TBC1D5: variants seen among roughly 807,000 people sequenced by gnomAD.
TBC1D5 encodes the protein TBC1 domain family, member 5.
A neutral mutation model predicts 100.3 loss-of-function variants in TBC1D5; 75 were observed. The observed-to-expected ratio is 0.75, with a 90% CI of 0.62 to 0.91. The LOEUF is 0.91. Ranked by LOEUF, TBC1D5 falls within the 40% of genes least tolerant of loss-of-function variation. The pLI is 0.00. For missense variants in TBC1D5, 910 were observed against 942.4 expected (o/e 0.97, Z 0.45); for synonymous variants, 323 against 325.6 (o/e 0.99, Z 0.09).
intron 21 of TBC1D5, among the ~76,000 whole-genome samples, chr3:17,166,352 G>T (rs1212698531): frequency 1.3e-5 from 2 of 152,176 alleles, no homozygotes; most frequent in African/African-American, 4.8e-5. Context: ...GGCAAAAAAG[G>T]TTCTAGCGAA....
chr3:17,228,464 T>C (rs2075122163), intron 17 of TBC1D5, among the ~76,000 whole-genome samples: 2 of 152,210 alleles, frequency 1.3e-5, no homozygotes. Context: ...GTACTCTGGA[T>C]TGTGGATTCA....
chr3:17,167,030 A>AT (rs530717364), intron 20 of TBC1D5, 102 bp from the exon 22 acceptor site: 46 of 1,095,144 alleles, frequency 4.2e-5, no homozygotes, highest in South Asian at 1.7e-4. Flanking sequence ...GTCATCAATC[A>AT]TTTTTTATAG....
intron 13 of TBC1D5, among the ~76,000 whole-genome samples, chr3:17,318,880 C>A (rs1255508476): frequency 6.6e-6 from 1 of 152,094 alleles, no homozygotes; most frequent in Non-Finnish European, 1.5e-5. Context: ...TTTGATGAAT[C>A]GCAATCTGCT....
chr3:17,353,732 G>A (rs2090901078), intron 13 of TBC1D5, among the ~76,000 whole-genome samples: 1 of 152,038 alleles, frequency 6.6e-6, no homozygotes, highest in African/African-American at 2.4e-5. Flanking sequence ...AATCAGTGGA[G>A]ATGTCAGAGT....
intron 3 of TBC1D5, among the ~76,000 whole-genome samples, chr3:17,456,761 G>A (rs1436885624): frequency 6.6e-6 from 1 of 152,108 alleles, no homozygotes; most frequent in Non-Finnish European, 1.5e-5. Context: ...AATACAAAAT[G>A]AGTGAGTAAA....
At chr3:17,388,169 T>C (rs1019615489) in intron 8 of TBC1D5, among the ~76,000 whole-genome samples, 2 of 152,096 alleles carry the variant, frequency 1.3e-5, no homozygotes, top group African/African-American at 4.8e-5. Context: ...CTGATCAGTA[T>C]TGATAATATA....
At chr3:17,228,548 C>T in intron 17 of TBC1D5, among the ~76,000 whole-genome samples, 1 of 152,158 alleles carries the variant, frequency 6.6e-6, no homozygotes, top group Non-Finnish European at 1.5e-5. Flanking sequence ...TGATTTCCCA[C>T]AGACTTCAAC....
At position 17,520,869 on chromosome 3, in the gene TBC1D5, A is replaced by T. The variant is rs532803638; in HGVS notation, c.-35-12264T>A. Among the ~76,000 whole-genome samples, 14 of 152,284 alleles carry T rather than the reference A, an allele frequency of 9.2e-5. No individual in the cohort carries two copies. The South Asian group carries it at 2.9e-3, about 32-fold the overall frequency. ...CAGTAGACAGACAAGGAGACACTGT[A>T]GGAGCTCCAGGATTAAAAGAGATCT... On this transcript the variant is annotated intron_variant, in intron 2 of 21. Transcript: ENST00000253692.
intron 1 of TBC1D5, among the ~76,000 whole-genome samples, chr3:17,700,558 GA>G (rs1297462883): frequency 1.3e-5 from 2 of 152,050 alleles, no homozygotes; most frequent in East Asian, 1.9e-4. Context: ...CAGAATAGGA[GA>G]AAATTTTTGC....
intron 1 of TBC1D5, among the ~76,000 whole-genome samples, chr3:17,704,091 T>C (rs1256260314): frequency 1.3e-4 from 19 of 143,982 alleles, no homozygotes; most frequent in African/African-American, 4.9e-4. Context: ...TTTGTGTCCC[T>C]GATTACTTGA....
chr3:17,555,138 T>C (rs549566029), intron 2 of TBC1D5, among the ~76,000 whole-genome samples: 2 of 152,170 alleles, frequency 1.3e-5, no homozygotes, highest in South Asian at 4.1e-4. Context: ...CATGAGCCAT[T>C]GCGCCAGGCC....
At chr3:17,369,928 T>C (rs2092373159) in intron 13 of TBC1D5, among the ~76,000 whole-genome samples, 2 of 152,176 alleles carry the variant, frequency 1.3e-5, no homozygotes, top group East Asian at 3.8e-4. Context: ...GAGATTCTAT[T>C]AAAATATAAT....
intron 3 of TBC1D5, among the ~76,000 whole-genome samples, chr3:17,473,480 TA>T (rs2150167289): frequency 6.6e-6 from 1 of 152,344 alleles, no homozygotes; most frequent in East Asian, 1.9e-4. Context: ...TTATGTATTT[TA>T]ACTGTATTTC....
At chr3:17,665,065 A>AG (rs931219086) in intron 1 of TBC1D5, 1 of 29,236 alleles carries the variant, frequency 3.4e-5, no homozygotes, top group African/African-American at 9.9e-5. Flanking sequence ...AGAAGAAAGG[A>AG]AAAAAAAACG....
chr3:17,326,342 C>T (rs972920341), intron 13 of TBC1D5, among the ~76,000 whole-genome samples: 1 of 152,238 alleles, frequency 6.6e-6, no homozygotes, highest in Non-Finnish European at 1.5e-5. Flanking sequence ...AGTTACTATT[C>T]ACAGTCCTCA....
chr3:17,344,060 G>T (rs1362382950), intron 13 of TBC1D5, among the ~76,000 whole-genome samples: 1 of 151,794 alleles, frequency 6.6e-6, no homozygotes, highest in African/African-American at 2.4e-5. Context: ...GTGATGTTAG[G>T]GTGTCAATTT....
chr3:17,569,156 GCAAA>G (rs2096611238), intron 2 of TBC1D5, among the ~76,000 whole-genome samples: 2 of 151,728 alleles, frequency 1.3e-5, no homozygotes, highest in East Asian at 1.9e-4. Context: ...CTAAAAATCT[GCAAA>G]CAGAGAATAA....
chr3:17,421,791 A>G (rs1177011698), intron 4 of TBC1D5, among the ~76,000 whole-genome samples: 1 of 152,242 alleles, frequency 6.6e-6, no homozygotes, highest in Admixed American at 6.5e-5. Flanking sequence ...GGTAGAGCTA[A>G]GATCTAGACT....
At chr3:17,501,054 T>C (rs1488363345) in intron 3 of TBC1D5, among the ~76,000 whole-genome samples, 1 of 149,790 alleles carries the variant, frequency 6.7e-6, no homozygotes, top group East Asian at 1.9e-4. Flanking sequence ...TTTTTATCCT[T>C]GTTACTGCAT....
Sources: gnomAD v4.1 joint callset for allele counts (sites outside exome capture counted in the v4.1 genomes callset) on GRCh38, gnomAD v4.1.1 for gene constraint, MANE v1.5 for transcripts, NCBI Gene and HGNC (gene_info 2026-07-23, HGNC 2026-07-21) for gene names.